Variants in EMB observed in about 807,000 individuals in gnomAD.
The protein encoded by EMB is embigin.
EMB carries 31 observed loss-of-function variants against 41.4 expected under a neutral mutation model. That is an observed-to-expected ratio of 0.75 (90% CI 0.56 to 1.01). The LOEUF (loss-of-function observed/expected upper bound fraction) is 1.01. EMB is among the 50% of genes least tolerant of loss of function. EMB has a pLI of 0.00. For missense variants in EMB, 379 were observed against 388.3 expected (o/e 0.98, Z 0.20); for synonymous variants, 137 against 140.4 (o/e 0.98, Z 0.17).
chr5:50,404,798 G>A (rs377738651), intron 5 of EMB, among the ~76,000 whole-genome samples: 2 of 151,848 alleles, frequency 1.3e-5, no homozygotes, highest in African/African-American at 4.8e-5. Context: ...TGCATCTATG[G>A]GATTTGGTTG....
intron 7 of EMB, among the ~76,000 whole-genome samples, chr5:50,401,757 GA>G (rs1490912997): frequency 6.6e-6 from 1 of 151,908 alleles, no homozygotes; most frequent in Admixed American, 6.6e-5. Flanking sequence ...ATTTTCAACA[GA>G]CAGAGGATCA....
chr5:50,433,657 T>A (rs765690831), intron 1 of EMB, among the ~76,000 whole-genome samples: 5 of 152,214 alleles, frequency 3.3e-5, no homozygotes, highest in African/African-American at 1.2e-4. Flanking sequence ...CTTGTCACAA[T>A]TGGGGGAAGA....
chr5:50,401,052 C>T (rs185164539), intron 7 of EMB, among the ~76,000 whole-genome samples: 3 of 151,890 alleles, frequency 2.0e-5, no homozygotes, highest in African/African-American at 4.8e-5. Flanking sequence ...AACGCCAATA[C>T]GTGGAAATAG....
chr5:50,396,980 C>T lies in EMB; in HGVS notation c.*2293G>A, dbSNP rs1008851434. ...TGTTGGGATAATAACAAAAAGACTG[C>T]AAAAGGAGAAGATTTACACTTTGGC... On this transcript the variant is annotated 3_prime_UTR_variant, in exon 9 of 9. Transcript: ENST00000303221. The T allele has an allele frequency of 2.6e-5, 4 of 151,952 alleles. No individual in the cohort carries two copies. The highest frequency in any genetic ancestry group is 7.3e-5 in the African/African-American group (3 of 41,372). The allele number at this position is 151,952 out of a possible 1,614,324, so 9.4% of individuals were successfully genotyped here. A position where few individuals can be genotyped will look rare whatever the true frequency, so the allele number is the denominator to read the frequency against.
intron 1 of EMB, among the ~76,000 whole-genome samples, chr5:50,436,164 A>G (rs1207647257): frequency 6.6e-6 from 1 of 152,194 alleles, no homozygotes; most frequent in Non-Finnish European, 1.5e-5. Flanking sequence ...CTTATAATGT[A>G]TATCATATAC....
intron 5 of EMB, among the ~76,000 whole-genome samples, chr5:50,403,750 GA>G (rs1745204963): frequency 6.6e-6 from 1 of 151,898 alleles, no homozygotes; most frequent in Non-Finnish European, 1.5e-5. Context: ...ATTAAAAACA[GA>G]AAAATCCCAA....
In EMB at chr5:50,396,678, G is replaced by A. The variant is rs1436445447; in HGVS notation, c.*2595C>T. The A allele has an allele frequency of 6.6e-6, 1 of 152,114 alleles. No individual in the cohort carries two copies. Among genetic ancestry groups the A allele is most frequent in the African/African-American group, 2.4e-5 (1 of 41,414 alleles). 9.4% of individuals were successfully genotyped at this position (152,114 alleles called of 1,614,324 possible). A position where few individuals can be genotyped will look rare whatever the true frequency, so the allele number is the denominator to read the frequency against. On this transcript the variant is annotated 3_prime_UTR_variant, in exon 9 of 9. Coordinates refer to ENST00000303221, the MANE Select transcript of EMB (RefSeq NM_198449.3). ...CAATATTAAGAAATGGCAAAGGTGAGCCTACAGAGATTCCAAAGTTGCATA... is the reference window on the plus strand; with the variant it reads ...CAATATTAAGAAATGGCAAAGGTGAACCTACAGAGATTCCAAAGTTGCATA...
intron 1 of EMB, among the ~76,000 whole-genome samples, chr5:50,429,689 A>T (rs547090506): frequency 7.2e-5 from 11 of 152,296 alleles, no homozygotes; most frequent in East Asian, 5.8e-4. Flanking sequence ...AATAATTTTT[A>T]AAAAAAGAAA....
intron 2 of EMB, among the ~76,000 whole-genome samples, chr5:50,421,952 G>A (rs184474412): frequency 6.6e-6 from 1 of 150,890 alleles, no homozygotes; most frequent in South Asian, 2.1e-4. Context: ...GTTAAATGAC[G>A]AGTTAATGGG....
chr5:50,432,968 C>T (rs1458320262), intron 1 of EMB, among the ~76,000 whole-genome samples: 2 of 151,962 alleles, frequency 1.3e-5, no homozygotes, highest in East Asian at 3.9e-4. Context: ...GTCCCAGCAA[C>T]TTGGGAGGCT....
At position 50,397,438 on chromosome 5, in the gene EMB, G is replaced by A. The variant is rs1579715723; in HGVS notation, c.*1835C>T. The A allele has an allele frequency of 6.6e-6, 1 of 152,232 alleles. No individual in the cohort carries two copies. The highest frequency in any genetic ancestry group is 2.1e-4 in the South Asian group (1 of 4,824). 9.4% of individuals were successfully genotyped at this position (152,232 alleles called of 1,614,324 possible). A position where few individuals can be genotyped will look rare whatever the true frequency, so the allele number is the denominator to read the frequency against. On this transcript the variant is annotated 3_prime_UTR_variant, in exon 9 of 9. Transcript: ENST00000303221. ...ATATTCCTGATTATTTTACCTTTGG[G>A]AAGCAATGCTTGTTGCTTGAAAATT... is the stretch of plus-strand genomic sequence containing the variant.
chr5:50,417,883 A>G (rs114656259), intron 2 of EMB, among the ~76,000 whole-genome samples: 213 of 152,334 alleles, frequency 1.4e-3, no homozygotes, highest in African/African-American at 4.8e-3. Context: ...ATTTTGGAAA[A>G]TATGTTAAAA....
At chr5:50,419,538 CACACACACAT>C (rs938354200) in intron 2 of EMB, among the ~76,000 whole-genome samples, 6 of 144,826 alleles carry the variant, frequency 4.1e-5, no homozygotes, top group East Asian at 2.4e-4. Flanking sequence ...CCACTACATA[CACACACACAT>C]ACACACACAC....
rs532676573 is a variant in EMB at position 50,417,186 on chromosome 5, A to T, written c.197-5803T>A. Among the ~76,000 whole-genome samples the T allele has an allele frequency of 2.0e-5, 3 of 152,310 alleles. No individual in the cohort carries two copies. The East Asian group carries it at 5.8e-4, about 29-fold the overall frequency. ...CCATAAAAGTCAATAAAGCTTCATG[A>T]TGCAACCCAAAATGTCTATTAAACA... On this transcript the variant is annotated intron_variant, in intron 2 of 8. Coordinates refer to ENST00000303221, the MANE Select transcript of EMB (RefSeq NM_198449.3).
intron 6 of EMB, among the ~76,000 whole-genome samples, chr5:50,402,786 A>G (rs1348730573): frequency 6.8e-6 from 1 of 147,688 alleles, no homozygotes; most frequent in Non-Finnish European, 1.5e-5. Flanking sequence ...TGTTTCTTTT[A>G]GACTTTTTAT....
chr5:50,411,326 T>C lies in EMB; in HGVS notation c.254A>G (p.Asn85Ser), dbSNP rs139458691. 3.0e-5 allele frequency: 49 copies of C among 1,612,774 alleles called. No individual in the cohort carries two copies. The highest frequency in any genetic ancestry group is 4.2e-5 in the Non-Finnish European group (49 of 1,179,336). Residue 85 changes from asparagine (N) to serine (S), a missense_variant, in exon 3 of 9, where the codon AAT (asparagine) becomes AGT (serine). By Grantham distance (46) the Asn-to-Ser change is conservative. Coordinates refer to ENST00000303221, the MANE Select transcript of EMB (RefSeq NM_198449.3). ...AGATGTTGTGAACTGGCATGTGAGA[T>C]TTACATTAGAAGGCCTTTCTAAAGT... ...NITLERPSNV[N>S]LTCQFTTSGD...
chr5:50,426,938 C>T (rs922935313), intron 2 of EMB, among the ~76,000 whole-genome samples: 1 of 150,860 alleles, frequency 6.6e-6, no homozygotes, highest in Non-Finnish European at 1.5e-5. Context: ...AAAGCACCTG[C>T]CCGGGGCTAA....
At chr5:50,410,520 T>C (rs1278629207) in intron 4 of EMB, among the ~76,000 whole-genome samples, 2 of 152,096 alleles carry the variant, frequency 1.3e-5, no homozygotes, top group African/African-American at 4.8e-5. Flanking sequence ...CAACCCACAC[T>C]CTCAGAGGCT....
chr5:50,405,642 G>C (rs1046052534), intron 5 of EMB, 83 bp downstream of exon 5: 5 of 1,478,860 alleles, frequency 3.4e-6, no homozygotes, highest in Non-Finnish European at 4.5e-6. Context: ...TCTTAGGAAT[G>C]CTGAGTCTGT....
Sources: gnomAD v4.1 joint callset for allele counts (sites outside exome capture counted in the v4.1 genomes callset) on GRCh38, gnomAD v4.1.1 for gene constraint, MANE v1.5 for transcripts, NCBI Gene and HGNC (gene_info 2026-07-23, HGNC 2026-07-21) for gene names.